Variants in DLG2 observed in about 807,000 individuals in gnomAD.
The protein encoded by DLG2 is discs large MAGUK scaffold protein 2.
A neutral mutation model predicts 132.5 loss-of-function variants in DLG2; 45 were observed. The ratio of observed to expected loss-of-function variants is 0.34; its 90% confidence interval spans 0.27 to 0.44. The LOEUF (loss-of-function observed/expected upper bound fraction) is 0.44, where lower values mean the gene tolerates loss of function less well. DLG2 is among the 20% of genes least tolerant of loss of function. DLG2 has a pLI of 1.00. For missense variants in DLG2, 1,045 were observed against 1,196.9 expected (o/e 0.87, Z 1.87); for synonymous variants, 424 against 419.6 (o/e 1.01, Z -0.13).
intron 7 of DLG2, among the ~76,000 whole-genome samples, chr11:84,286,084 T>A (rs185043223): frequency 2.7e-4 from 41 of 152,294 alleles, no homozygotes; most frequent in African/African-American, 9.6e-4. Context: ...CACTCTCAAT[T>A]CCTCTTACCA....
intron 9 of DLG2, among the ~76,000 whole-genome samples, chr11:84,147,559 C>T (rs1196769018): frequency 1.3e-5 from 2 of 152,058 alleles, no homozygotes; most frequent in Non-Finnish European, 2.9e-5. Context: ...GAACTAAGTT[C>T]TCATGAGTTA....
intron 11 of DLG2, among the ~76,000 whole-genome samples, chr11:84,005,893 A>G (rs771880553): frequency 2.0e-5 from 3 of 151,890 alleles, no homozygotes; most frequent in Non-Finnish European, 4.4e-5. Flanking sequence ...TAGTGCAGCC[A>G]TTTGCCACTA....
At chr11:84,345,089 A>C (rs568824841) in intron 7 of DLG2, among the ~76,000 whole-genome samples, 87 of 152,322 alleles carry the variant, frequency 5.7e-4, no homozygotes, top group African/African-American at 2.0e-3. Flanking sequence ...ATCGCATTAG[A>C]AATTACCTTG....
At chr11:85,492,415 T>A (rs1428711972) in intron 3 of DLG2, among the ~76,000 whole-genome samples, 1 of 152,186 alleles carries the variant, frequency 6.6e-6, no homozygotes, top group Non-Finnish European at 1.5e-5. Flanking sequence ...TAGAGGAAGC[T>A]GTCTAGATAT....
chr11:84,036,939 G>A (rs563910830), intron 11 of DLG2, among the ~76,000 whole-genome samples: 34 of 152,214 alleles, frequency 2.2e-4, no homozygotes, highest in Middle Eastern at 3.4e-3. Context: ...CTCATGCAAA[G>A]TACAATGCTT....
chr11:85,319,209 G>C (rs2080887102), intron 3 of DLG2, among the ~76,000 whole-genome samples: 6 of 151,498 alleles, frequency 4.0e-5, no homozygotes, highest in Admixed American at 3.9e-4. Flanking sequence ...AAACCACAAA[G>C]ACTTATAACC....
chr11:84,194,760 C>T lies in DLG2; in HGVS notation c.574-31249G>A, dbSNP rs771967586. Among the ~76,000 whole-genome samples the T allele has an allele frequency of 1.2e-4, 18 of 152,202 alleles. 1 individual carries two copies. Among genetic ancestry groups the T allele is most frequent in the Non-Finnish European group, 2.5e-4 (17 of 68,022 alleles). On this transcript the variant is annotated intron_variant, in intron 8 of 27. Transcript: ENST00000376104. ...TAGTGTATCTGGTGCCTACTGGGACCCACGCTGGGGCCGCAGGCAGAGCTG... is the reference window on the plus strand; with the variant it reads ...TAGTGTATCTGGTGCCTACTGGGACTCACGCTGGGGCCGCAGGCAGAGCTG...
chr11:83,790,968 C>A, intron 17 of DLG2: 3 of 885,530 alleles, frequency 3.4e-6, no homozygotes, highest in Non-Finnish European at 3.6e-6. Flanking sequence ...TTCATCCAGG[C>A]GAAGATACAG....
At chr11:84,377,641 C>T (rs965212709) in intron 7 of DLG2, among the ~76,000 whole-genome samples, 7 of 151,954 alleles carry the variant, frequency 4.6e-5, no homozygotes, top group African/African-American at 9.7e-5. Context: ...GACAAAATGA[C>T]GATTATAGAA....
chr11:85,577,435 G>C (rs1289592547), intron 3 of DLG2, among the ~76,000 whole-genome samples: 1 of 152,204 alleles, frequency 6.6e-6, no homozygotes, highest in East Asian at 1.9e-4. Context: ...CTGAGTGTGA[G>C]TAAACTGGAT....
chr11:84,671,300 A>T (rs1171645325), intron 6 of DLG2, among the ~76,000 whole-genome samples: 2 of 151,924 alleles, frequency 1.3e-5, no homozygotes, highest in Non-Finnish European at 2.9e-5. Context: ...ACAGGGTCTC[A>T]CTGTGTTGCC....
At chr11:83,743,429 A>ATTTTCTTTTTTTTTTTTTTTTTTT (rs374206299) in intron 18 of DLG2, among the ~76,000 whole-genome samples, 1 of 103,836 alleles carries the variant, frequency 9.6e-6, no homozygotes, top group African/African-American at 5.8e-5. Context: ...TGGGCAGGCC[A>ATTTTCTTTTTTTTTTTTTTTTTTT]TTTTTTTTTT....
chr11:84,972,093 C>T (rs1038204331), intron 6 of DLG2, among the ~76,000 whole-genome samples: 4 of 152,120 alleles, frequency 2.6e-5, no homozygotes, highest in African/African-American at 9.7e-5. Context: ...CCACACAACA[C>T]ACACACACTG....
intron 17 of DLG2, among the ~76,000 whole-genome samples, chr11:83,812,525 A>G (rs1297924840): frequency 3.9e-5 from 6 of 152,160 alleles, no homozygotes; most frequent in Non-Finnish European, 7.4e-5. Context: ...GAATAATCCT[A>G]TGAAGCACTT....
At chr11:84,180,262 G>A (rs2154278922) in intron 8 of DLG2, among the ~76,000 whole-genome samples, 1 of 152,170 alleles carries the variant, frequency 6.6e-6, no homozygotes, top group East Asian at 1.9e-4. Flanking sequence ...ATTCTTACGT[G>A]GCTGAGAAAA....
At chr11:84,982,458 C>A (rs1250274929) in intron 6 of DLG2, among the ~76,000 whole-genome samples, 4 of 152,024 alleles carry the variant, frequency 2.6e-5, no homozygotes, top group Admixed American at 1.3e-4. Flanking sequence ...AAACCCCATG[C>A]CCCATACATC....
intron 9 of DLG2, among the ~76,000 whole-genome samples, chr11:84,142,522 TAATAACA>T (rs1284182540): frequency 6.6e-6 from 1 of 152,130 alleles, no homozygotes; most frequent in Non-Finnish European, 1.5e-5. Context: ...AAATAGCTGA[TAATAACA>T]TTGCCTCTGG....
At chr11:84,779,256 G>A (rs2153904683) in intron 6 of DLG2, among the ~76,000 whole-genome samples, 1 of 151,936 alleles carries the variant, frequency 6.6e-6, no homozygotes, top group East Asian at 1.9e-4. Context: ...TATTAGTTCG[G>A]TCCCTCTGGA....
intron 17 of DLG2, among the ~76,000 whole-genome samples, chr11:83,817,536 A>G (rs1400894531): frequency 3.3e-5 from 5 of 152,168 alleles, no homozygotes; most frequent in African/African-American, 7.2e-5. Context: ...GTATGAATGT[A>G]TGCCTTTAAT....
Sources: allele counts gnomAD v4.1 joint callset (sites outside exome capture counted in the v4.1 genomes callset), GRCh38; gene constraint gnomAD v4.1.1; transcripts MANE v1.5; gene names NCBI Gene and HGNC (gene_info 2026-07-23, HGNC 2026-07-21).